AASS: variants seen among roughly 807,000 people sequenced by gnomAD.
The protein encoded by AASS is aminoadipate-semialdehyde synthase.
A neutral mutation model predicts 105.4 loss-of-function variants in AASS; 86 were observed. The observed-to-expected ratio is 0.82, with a 90% CI of 0.69 to 0.98. AASS has a LOEUF of 0.98. AASS is among the 50% of genes least tolerant of loss of function. The probability of loss-of-function intolerance (pLI) is 0.00; values close to 1 mark genes in which losing one functional copy is unlikely to be tolerated. For missense variants in AASS, 1,048 were observed against 1,143.2 expected (o/e 0.92, Z 1.20); for synonymous variants, 381 against 394.8 (o/e 0.96, Z 0.41).
At chr7:122,139,740 C>T (rs1796301701) in intron 1 of AASS, among the ~76,000 whole-genome samples, 1 of 152,020 alleles carries the variant, frequency 6.6e-6, no homozygotes, top group Non-Finnish European at 1.5e-5. Context: ...GGCAGATCAC[C>T]TGAGGAGTTC....
chr7:122,088,694 T>C (rs1456285120), intron 18 of AASS, among the ~76,000 whole-genome samples: 2 of 152,054 alleles, frequency 1.3e-5, no homozygotes, highest in Non-Finnish European at 2.9e-5. Context: ...AGGCAATGGA[T>C]AGAGGGCTAG....
At chr7:122,121,040 T>A (rs1417916839) in intron 4 of AASS, among the ~76,000 whole-genome samples, 1 of 152,128 alleles carries the variant, frequency 6.6e-6, no homozygotes, top group East Asian at 1.9e-4. Flanking sequence ...CATGTTGCTG[T>A]TTGTGTTCTT....
intron 11 of AASS, among the ~76,000 whole-genome samples, chr7:122,103,098 C>G (rs952298695): frequency 1.3e-5 from 2 of 151,946 alleles, no homozygotes; most frequent in African/African-American, 4.8e-5. Flanking sequence ...CCTTGGAAGA[C>G]AGATGAACAT....
intron 3 of AASS, 53 bp downstream of exon 3, chr7:122,129,308 T>TA: frequency 8.0e-7 from 1 of 1,253,822 alleles, no homozygotes; most frequent in Non-Finnish European, 1.1e-6. Flanking sequence ...GGGTTAAAAG[T>TA]AAAAAATATT....
chr7:122,109,136 A>G (rs1448772772), intron 11 of AASS, among the ~76,000 whole-genome samples: 1 of 151,986 alleles, frequency 6.6e-6, no homozygotes, highest in East Asian at 1.9e-4. Context: ...GATGAAAGAC[A>G]TTGAAGAAAA....
intron 1 of AASS, among the ~76,000 whole-genome samples, chr7:122,137,377 T>C (rs964232856): frequency 3.3e-5 from 5 of 152,174 alleles, no homozygotes; most frequent in African/African-American, 2.4e-5. Context: ...CAACACATGC[T>C]GTTAACTCCA....
chr7:122,133,519 T>C lies in AASS; in HGVS notation c.208A>G (p.Lys70Glu). ...ATAAAAATATTGGAAATACTCACCT[T>C]ATCATGAATGGCCCGCCGATTCGAA... Reference protein sequence around the residue: ...QPSNRRAIHDKDYVKAGGILQ... With the variant: ...QPSNRRAIHDEDYVKAGGILQ... Residue 70 changes from lysine (K) to glutamate (E), a missense_variant and splice_region_variant, in exon 2 of 24, where the codon AAG (lysine) becomes GAG (glutamate). Physicochemically the swap from Lys to Glu is moderately conservative, Grantham distance 56 (BLOSUM62 1). Coordinates refer to ENST00000417368, the MANE Select transcript of AASS (RefSeq NM_005763.4). 1 of 1,614,154 alleles carries C rather than the reference T, an allele frequency of 6.2e-7. No individual in the cohort carries two copies. Among genetic ancestry groups the C allele is most frequent in the African/African-American group, 1.3e-5 (1 of 75,050 alleles).
intron 13 of AASS, 71 bp downstream of exon 13, chr7:122,101,300 C>A (rs1439689356): frequency 1.7e-6 from 2 of 1,187,826 alleles, no homozygotes; most frequent in Non-Finnish European, 2.5e-6. Context: ...CCCATTGAAG[C>A]ATTAAAAAAT....
At chr7:122,113,787 A>G (rs1795043006) in intron 9 of AASS, 67 bp from the exon 10 acceptor site, 2 of 1,585,054 alleles carry the variant, frequency 1.3e-6, no homozygotes, top group Non-Finnish European at 1.7e-6. Flanking sequence ...ACTAAAAAAA[A>G]AGGAGTTTGG....
At chr7:122,087,570 G>A (rs1416429254) in intron 18 of AASS, among the ~76,000 whole-genome samples, 1 of 152,076 alleles carries the variant, frequency 6.6e-6, no homozygotes, top group Non-Finnish European at 1.5e-5. Context: ...ATCTAAGAAA[G>A]CAAATGTTGG....
At position 122,129,455 on chromosome 7, in the gene AASS, T is replaced by C. The variant is rs2150550178; in HGVS notation, c.293A>G (p.Glu98Gly). The stretch of plus-strand genomic sequence containing the variant: ...ATAAGTCTTCCTGGACATTAATTTT[T>C]CCTCTGGAGGTCTTTTAACTCCTAA... ...LILGVKRPPEEKLMSRKTYAF... is the reference protein window; with the variant it reads ...LILGVKRPPEGKLMSRKTYAF... Residue 98 changes from glutamate (E) to glycine (G), a missense_variant, in exon 3 of 24, where the codon GAA (glutamate) becomes GGA (glycine). By Grantham distance (98) the Glu-to-Gly change is moderately conservative. Coordinates refer to ENST00000417368, the MANE Select transcript of AASS (RefSeq NM_005763.4). The C allele has an allele frequency of 6.2e-7, 1 of 1,613,626 alleles. No individual in the cohort carries two copies. Among genetic ancestry groups the C allele is most frequent in the Non-Finnish European group, 8.5e-7 (1 of 1,179,702 alleles).
intron 23 of AASS, among the ~76,000 whole-genome samples, chr7:122,076,957 A>T (rs954073661): frequency 1.3e-4 from 20 of 152,112 alleles, no homozygotes; most frequent in African/African-American, 3.6e-4. Flanking sequence ...ATTTTTTTTT[A>T]AAAAAGGCAA....
intron 15 of AASS, among the ~76,000 whole-genome samples, chr7:122,093,392 G>A (rs1233677618): frequency 2.0e-5 from 3 of 152,160 alleles, no homozygotes; most frequent in Non-Finnish European, 2.9e-5. Flanking sequence ...CTTAGCAATC[G>A]CATTACTGGT....
chr7:122,138,668 T>C (rs1207392653), intron 1 of AASS, among the ~76,000 whole-genome samples: 3 of 152,202 alleles, frequency 2.0e-5, no homozygotes, highest in African/African-American at 7.2e-5. Context: ...TGATACTGTC[T>C]TATCTTTCCA....
intron 17 of AASS, 70 bp downstream of exon 17, chr7:122,092,773 C>T (rs913630925): frequency 7.9e-7 from 1 of 1,269,932 alleles, no homozygotes; most frequent in Non-Finnish European, 1.2e-6. Context: ...TATATTATAA[C>T]TCATACTTTG....
At chr7:122,134,260 T>C (rs867392062) in intron 1 of AASS, among the ~76,000 whole-genome samples, 2 of 152,196 alleles carry the variant, frequency 1.3e-5, no homozygotes, top group South Asian at 2.1e-4. Flanking sequence ...TGAACTGCAC[T>C]GAACTGTTTT....
intron 11 of AASS, among the ~76,000 whole-genome samples, chr7:122,102,986 T>G (rs1794501037): frequency 1.3e-5 from 2 of 151,974 alleles, no homozygotes; most frequent in South Asian, 4.1e-4. Flanking sequence ...ATTAATATGT[T>G]CAAAAAATAA....
intron 18 of AASS, among the ~76,000 whole-genome samples, chr7:122,088,554 C>A (rs540069942): frequency 1.5e-4 from 23 of 152,168 alleles, no homozygotes; most frequent in African/African-American, 5.1e-4. Flanking sequence ...GGGATATTGA[C>A]AAAGTACAGC....
Position 122,098,872 on chromosome 7 carries a change from TAAAAAA to T in AASS, c.1407-12_1407-7del, listed in dbSNP as rs34474265. On this transcript the variant is annotated splice_region_variant and splice_polypyrimidine_tract_variant and intron_variant, in intron 13 of 23. Coordinates refer to ENST00000417368, the MANE Select transcript of AASS (RefSeq NM_005763.4). Reference sequence around the variant, plus strand: ...AAAGTGACTGAGCACGTTCCCTATTTAAAAAAAAAAAAAAAAAAAAAAAAGGGAAGG... The same window carrying T: ...AAAGTGACTGAGCACGTTCCCTATTTAAAAAAAAAAAAAAAAAAGGGAAGG... The T allele has an allele frequency of 5.3e-5, 62 of 1,166,978 alleles. No homozygotes were observed. The highest frequency in any genetic ancestry group is 2.4e-4 in the South Asian group (13 of 53,198). 72.3% of individuals were successfully genotyped at this position (1,166,978 alleles called of 1,614,324 possible). A position where few individuals can be genotyped will look rare whatever the true frequency, so the allele number is the denominator to read the frequency against.
Sources: gnomAD v4.1 joint callset for allele counts (sites outside exome capture counted in the v4.1 genomes callset) on GRCh38, gnomAD v4.1.1 for gene constraint, MANE v1.5 for transcripts, NCBI Gene and HGNC (gene_info 2026-07-23, HGNC 2026-07-21) for gene names.